Variants in CARS1 observed in about 807,000 individuals in gnomAD.
CARS1 encodes cysteine--tRNA ligase, cytoplasmic.
In CARS1, 48 loss-of-function variants were observed where a neutral mutation model predicts 106.2. The observed-to-expected ratio is 0.45, with a 90% CI of 0.36 to 0.57. CARS1 has a LOEUF of 0.57. Among genes scored for constraint, CARS1 ranks in the 20% least tolerant of loss-of-function variants. CARS1 has a pLI of 0.00. For synonymous variants in CARS1, 409 were observed against 403.4 expected (o/e 1.01, Z -0.17); for missense variants, 968 against 1,057.2 (o/e 0.92, Z 1.17).
Position 3,050,620 on chromosome 11 carries a change from C to CTCGCCAGCAGCACAAGCCTGTCCTCA in CARS1, c.26-2645_26-2620dup, listed in dbSNP as rs1438915682. Reference sequence around the variant, plus strand: ...TCACATTACTGCCCCCAACACCCACCTCGCCAGCAGCACAAGCCTGTCCTC... The same window carrying CTCGCCAGCAGCACAAGCCTGTCCTCA: ...TCACATTACTGCCCCCAACACCCACCTCGCCAGCAGCACAAGCCTGTCCTCATCGCCAGCAGCACAAGCCTGTCCTC... On this transcript the variant is annotated intron_variant, in intron 1 of 22. Transcript: ENST00000380525. This position sits in a 1 kb window ranked among gnomAD's most constrained non-coding sequence, Gnocchi z 6.3. Among the ~76,000 whole-genome samples, 1 of 152,232 alleles carries CTCGCCAGCAGCACAAGCCTGTCCTCA rather than the reference C, an allele frequency of 6.6e-6. No homozygotes were observed. Among genetic ancestry groups the CTCGCCAGCAGCACAAGCCTGTCCTCA allele is most frequent in the Admixed American group, 6.5e-5 (1 of 15,284 alleles).
rs1188129522 is a variant in CARS1 at position 3,028,252 on chromosome 11, C to T, written c.1031+744G>A. On this transcript the variant is annotated intron_variant, in intron 9 of 22. Transcript: ENST00000380525. This position sits in a 1 kb window ranked among gnomAD's most constrained non-coding sequence, Gnocchi z 4.4. The stretch of plus-strand genomic sequence containing the variant: ...AAGATGGCTCACTCTCCTTAACCTA[C>T]CCCTTTGTCTTGTATCCAATAAATA... 1.1e-5 allele frequency: 5 copies of T among 452,692 alleles called. No individual in the cohort carries two copies. The highest frequency in any genetic ancestry group is 2.1e-5 in the African/African-American group (1 of 48,310). 28.0% of individuals were successfully genotyped at this position (452,692 alleles called of 1,614,324 possible).
rs1410243404 is a variant in CARS1, at chr11:3,040,237, T to C, written c.456-306A>G. The C allele has an allele frequency of 5.1e-6, 2 of 389,150 alleles. No individual in the cohort carries two copies. The highest frequency in any genetic ancestry group is 9.4e-6 in the Non-Finnish European group (2 of 211,766). 24.1% of individuals were successfully genotyped at this position (389,150 alleles called of 1,614,324 possible). A position where few individuals can be genotyped will look rare whatever the true frequency, so the allele number is the denominator to read the frequency against. On this transcript the variant is annotated intron_variant, in intron 4 of 22. Coordinates refer to ENST00000380525, the MANE Select transcript of CARS1 (RefSeq NM_001014437.3). This position sits in a 1 kb window ranked among gnomAD's most constrained non-coding sequence, Gnocchi z 5.8. ...TTAGGAATACAGTATGTAATGTATA[T>C]ACAAAATATGTGTTCATTGACTGGC...
intron 16 of CARS1, among the ~76,000 whole-genome samples, chr11:3,016,387 G>GT (rs1351523988): frequency 6.6e-6 from 1 of 151,778 alleles, no homozygotes. Flanking sequence ...TGCCTGGCTA[G>GT]TTTTTTGTAT....
In CARS1 at chr11:3,057,378, C is replaced by A; in HGVS notation, c.-11G>T. ...GGAGGAATCTGCCATGGCTGGGAAT[C>A]CCGGACCCGCAGCTGCGGCTACAGA... is the stretch of plus-strand genomic sequence containing the variant. On this transcript the variant is annotated 5_prime_UTR_variant, in exon 1 of 23. Coordinates refer to ENST00000380525, the MANE Select transcript of CARS1 (RefSeq NM_001014437.3). 6.2e-7 allele frequency: 1 copy of A among 1,609,798 alleles called. No individual in the cohort carries two copies. Among genetic ancestry groups the A allele is most frequent in the South Asian group, 1.1e-5 (1 of 90,872 alleles).
At position 3,015,759 on chromosome 11, in the gene CARS1, C is replaced by T. The variant is rs963397018; in HGVS notation, c.1986+22G>A. ...GTGGGGAGGGAGCAGGTGCAGAAGGCAGGACCCTGCATGCTACTCACACTG... is the reference window on the plus strand; with the variant it reads ...GTGGGGAGGGAGCAGGTGCAGAAGGTAGGACCCTGCATGCTACTCACACTG... On this transcript the variant is annotated intron_variant, in intron 17 of 22. Coordinates refer to ENST00000380525, the MANE Select transcript of CARS1 (RefSeq NM_001014437.3). 14 of 1,610,680 alleles carry T rather than the reference C, an allele frequency of 8.7e-6. No individual in the cohort carries two copies. In the Admixed American group the frequency reaches 2.2e-4, roughly 25 times the overall value.
At position 3,002,546 on chromosome 11, in the gene CARS1, G is replaced by A; in HGVS notation, c.2272C>T (p.Gln758Ter). The change falls in exon 21 of 23, where the codon CAA becomes TAA. Residue 758 changes from glutamine to a stop codon, truncating the protein, a stop_gained. Coordinates refer to ENST00000380525, the MANE Select transcript of CARS1 (RefSeq NM_001014437.3). LOFTEE classifies it high-confidence loss of function. ...CCCCAAACAAAATGCATTACTTCTT[G>A]TTCCTGTTTCCTCCGGGCCGCCTCC... ...KEEAARRKQEQEAAKLAKMKI... is the reference protein window; with the variant it reads ...KEEAARRKQE 1 of 1,614,212 alleles carries A rather than the reference G, an allele frequency of 6.2e-7. No homozygotes were observed. Among genetic ancestry groups the A allele is most frequent in the Non-Finnish European group, 8.5e-7 (1 of 1,180,010 alleles).
chr11:3,041,172 A>G lies in CARS1; in HGVS notation c.367-188T>C. ...CCCAGTGAGATGTACGGCACCTCCC[A>G]CCAACTGAGCCCTGGGTGGGTGGGG... On this transcript the variant is annotated intron_variant, in intron 3 of 22. Coordinates refer to ENST00000380525, the MANE Select transcript of CARS1 (RefSeq NM_001014437.3). The surrounding 1 kb of genome is among the most constrained non-coding windows in gnomAD (Gnocchi z 4.9). The G allele has an allele frequency of 1.3e-6, 1 of 797,592 alleles. No individual in the cohort carries two copies. The highest frequency in any genetic ancestry group is 1.8e-5 in the African/African-American group (1 of 56,514). 49.4% of individuals were successfully genotyped at this position (797,592 alleles called of 1,614,324 possible). A position where few individuals can be genotyped will look rare whatever the true frequency, so the allele number is the denominator to read the frequency against.
At chr11:3,010,290 C>G (rs187309925) in intron 18 of CARS1, among the ~76,000 whole-genome samples, 2 of 152,278 alleles carry the variant, frequency 1.3e-5, no homozygotes, top group Admixed American at 6.5e-5. Context: ...CTTGTATGAC[C>G]CCAGGGAGCT....
Position 3,030,869 on chromosome 11 carries a change from C to G in CARS1, c.802-1426G>C, listed in dbSNP as rs969603083. 6.6e-6 allele frequency: 1 copy of G among 152,186 alleles called. No homozygotes were observed. Among genetic ancestry groups the G allele is most frequent in the Non-Finnish European group, 1.5e-5 (1 of 68,034 alleles). The allele number at this position is 152,186 out of a possible 1,614,324, so 9.4% of individuals were successfully genotyped here. On this transcript the variant is annotated intron_variant, in intron 7 of 22. Coordinates refer to ENST00000380525, the MANE Select transcript of CARS1 (RefSeq NM_001014437.3). This position sits in a 1 kb window ranked among gnomAD's most constrained non-coding sequence, Gnocchi z 5.7. ...CTATTAACAGGCGAAACAGTCTTAT[C>G]CATCCTACTGAGTGACTGTTTCACT...
At position 3,045,464 on chromosome 11, in the gene CARS1, C is replaced by G. The variant is rs1294811986; in HGVS notation, c.274+2289G>C. Among the ~76,000 whole-genome samples, 1 of 152,160 alleles carries G rather than the reference C, an allele frequency of 6.6e-6. No homozygotes were observed. Among genetic ancestry groups the G allele is most frequent in the African/African-American group, 2.4e-5 (1 of 41,446 alleles). ...TATTTTTAGTAGAGACAGGTTGTCA[C>G]CGACTTAGCGAGCATGGTCTCAATC... On this transcript the variant is annotated intron_variant, in intron 2 of 22. Coordinates refer to ENST00000380525, the MANE Select transcript of CARS1 (RefSeq NM_001014437.3). This position sits in a 1 kb window ranked among gnomAD's most constrained non-coding sequence, Gnocchi z 5.6.
Position 3,019,165 on chromosome 11 carries a change from G to A in CARS1, c.1369C>T (p.His457Tyr). Residue 457 changes from histidine (H) to tyrosine (Y), a missense_variant, in exon 12 of 23, where the codon CAT becomes TAT. His to Tyr is a moderately conservative substitution (Grantham distance 83, BLOSUM62 2). Transcript: ENST00000380525. The surrounding 1 kb of genome is among the most constrained non-coding windows in gnomAD (Gnocchi z 6.2). ...GGGFDLRFPH[H>Y]DNELAQSEAY... ...TCCGACTGTGCCAGCTCATTGTCAT[G>A]GTGGGGGAACCGGAGGTCGAACCCA... 6.6e-7 allele frequency: 1 copy of A among 1,524,152 alleles called. No homozygotes were observed. The highest frequency in any genetic ancestry group is 1.3e-5 in the South Asian group (1 of 76,290). The allele number at this position is 1,524,152 out of a possible 1,614,324, so 94.4% of individuals were successfully genotyped here.
chr11:3,012,393 G>T, intron 17 of CARS1, 117 bp from the exon 18 acceptor site: 1 of 836,154 alleles, frequency 1.2e-6, no homozygotes, highest in Non-Finnish European at 2.0e-6. Context: ...GTGCTGCTGT[G>T]CACACTACAG....
intron 7 of CARS1, among the ~76,000 whole-genome samples, chr11:3,033,339 T>C (rs991611679): frequency 6.6e-6 from 1 of 152,184 alleles, no homozygotes; most frequent in Non-Finnish European, 1.5e-5. Flanking sequence ...CAAGTCTCTG[T>C]TCACAGATCC....
In CARS1 at chr11:3,019,557, A is replaced by T. The variant is rs1446699711; in HGVS notation, c.1267-290T>A. Among the ~76,000 whole-genome samples the T allele has an allele frequency of 6.6e-6, 1 of 152,076 alleles. No individual in the cohort carries two copies. The highest frequency in any genetic ancestry group is 1.5e-5 in the Non-Finnish European group (1 of 67,996). On this transcript the variant is annotated intron_variant, in intron 11 of 22. Transcript: ENST00000380525. This position sits in a 1 kb window ranked among gnomAD's most constrained non-coding sequence, Gnocchi z 6.2. Reference sequence around the variant, plus strand: ...AAAAATACAAAAAAATACAAAAATTAGCTGAGCATGGTGACGTATGCCTGT... The same window carrying T: ...AAAAATACAAAAAAATACAAAAATTTGCTGAGCATGGTGACGTATGCCTGT...
intron 10 of CARS1, among the ~76,000 whole-genome samples, chr11:3,025,143 C>T (rs948078759): frequency 1.3e-5 from 2 of 152,104 alleles, no homozygotes; most frequent in South Asian, 2.1e-4. Flanking sequence ...CCCACAAACC[C>T]GGAGCCTGAA....
In CARS1 at chr11:3,003,255, G is replaced by A. The variant is rs549436965; in HGVS notation, c.2218-655C>T. 6.6e-5 allele frequency among the ~76,000 whole-genome samples: 10 copies of A among 152,226 alleles called. No individual in the cohort carries two copies. The highest frequency in any genetic ancestry group is 1.5e-4 in the Non-Finnish European group (10 of 68,048). On this transcript the variant is annotated intron_variant, in intron 20 of 22. Coordinates refer to ENST00000380525, the MANE Select transcript of CARS1 (RefSeq NM_001014437.3). This position sits in a 1 kb window ranked among gnomAD's most constrained non-coding sequence, Gnocchi z 4.8. The stretch of plus-strand genomic sequence containing the variant: ...ACGAACAGACATGCCCTCCACTGAC[G>A]GAAAAGGAGCAAGTTTGGGGAGTTG...
At chr11:3,011,934 G>A (rs569445071) in intron 18 of CARS1, among the ~76,000 whole-genome samples, 1 of 152,320 alleles carries the variant, frequency 6.6e-6, no homozygotes, top group Non-Finnish European at 1.5e-5. Flanking sequence ...CACATCCTCG[G>A]TCCCCACTGC....
Position 3,017,833 on chromosome 11 carries a change from C to T in CARS1, c.1727+24G>A, listed in dbSNP as rs781302701. 8 of 1,540,298 alleles carry T rather than the reference C, an allele frequency of 5.2e-6. No homozygotes were observed. The South Asian group carries it at 6.7e-5, about 13-fold the overall frequency. On this transcript the variant is annotated intron_variant, in intron 15 of 22. Coordinates refer to ENST00000380525, the MANE Select transcript of CARS1 (RefSeq NM_001014437.3). This position sits in a 1 kb window ranked among gnomAD's most constrained non-coding sequence, Gnocchi z 4.9. ...ATAGAACATGGGCATGCTCAAAAAC[C>T]CCAAAGAAATGGCACCACCTTACTT...
Position 3,038,335 on chromosome 11 carries a change from GC to G in CARS1, c.652-137del. ...GATAGAGAAGTGTGCAACCCAAGTG[GC>G]CAGGCAGTAAGGAACTAAGAGAGAC... On this transcript the variant is annotated intron_variant, in intron 6 of 22. Transcript: ENST00000380525. The surrounding 1 kb of genome is among the most constrained non-coding windows in gnomAD (Gnocchi z 4.0). 1 of 790,228 alleles carries G rather than the reference GC, an allele frequency of 1.3e-6. No individual in the cohort carries two copies. Among genetic ancestry groups the G allele is most frequent in the Non-Finnish European group, 2.1e-6 (1 of 483,136 alleles). 49.0% of individuals were successfully genotyped at this position (790,228 alleles called of 1,614,324 possible).
Sources: gnomAD v4.1 joint callset for allele counts (sites outside exome capture counted in the v4.1 genomes callset) on GRCh38, gnomAD v4.1.1 for gene constraint, Gnocchi (gnomAD v3.1) non-coding constraint, MANE v1.5 for transcripts, NCBI Gene and HGNC (gene_info 2026-07-23, HGNC 2026-07-21) for gene names.